LUZP2: variants seen among roughly 807,000 people sequenced by gnomAD.
The protein encoded by LUZP2 is leucine zipper protein 2.
LUZP2 carries 52 observed loss-of-function variants against 51.6 expected under a neutral mutation model. That is an observed-to-expected ratio of 1.01 (90% confidence interval 0.81 to 1.27). LUZP2 has a LOEUF of 1.27. LUZP2 is among the 50% of genes most tolerant of loss of function. LUZP2 has a pLI of 0.00. For missense variants in LUZP2, 436 were observed against 395.4 expected (o/e 1.10, Z -0.87); for synonymous variants, 154 against 137.3 (o/e 1.12, Z -0.85).
At chr11:24,567,664 C>A (rs1379878640) in intron 1 of LUZP2, among the ~76,000 whole-genome samples, 1 of 151,704 alleles carries the variant, frequency 6.6e-6, no homozygotes, top group African/African-American at 2.4e-5. Context: ...GGCCAGGAAG[C>A]AGTATGAAAA....
intron 1 of LUZP2, among the ~76,000 whole-genome samples, chr11:24,567,587 G>T (rs2133791363): frequency 6.6e-6 from 1 of 152,022 alleles, no homozygotes; most frequent in East Asian, 1.9e-4. Context: ...AGAGAAAAAT[G>T]ACTCATCATG....
At chr11:24,815,551 A>T (rs1186349847) in intron 5 of LUZP2, among the ~76,000 whole-genome samples, 1 of 152,186 alleles carries the variant, frequency 6.6e-6, no homozygotes, top group Non-Finnish European at 1.5e-5. Context: ...TCATATAAGT[A>T]AGAGTTGAAA....
At chr11:24,898,494 G>C (rs1288928727) in intron 5 of LUZP2, among the ~76,000 whole-genome samples, 1 of 152,126 alleles carries the variant, frequency 6.6e-6, no homozygotes, top group Non-Finnish European at 1.5e-5. Flanking sequence ...CGTGGTGGTG[G>C]GCGCCTGTAG....
At chr11:24,506,486 G>A (rs1297413170) in intron 1 of LUZP2, among the ~76,000 whole-genome samples, 1 of 152,030 alleles carries the variant, frequency 6.6e-6, no homozygotes, top group Non-Finnish European at 1.5e-5. Flanking sequence ...AAAAATGTTA[G>A]CTCCTTCTGC....
intron 8 of LUZP2, among the ~76,000 whole-genome samples, chr11:24,982,883 A>T (rs1856076874): frequency 6.6e-6 from 1 of 151,886 alleles, no homozygotes; most frequent in Non-Finnish European, 1.5e-5. Flanking sequence ...TTCAAGAGAA[A>T]GTAATAAGAC....
rs375604986 is a variant in LUZP2, at chr11:24,914,357, G to A, written c.460-119G>A. On this transcript the variant is annotated intron_variant, in intron 6 of 11. Coordinates refer to ENST00000336930, the MANE Select transcript of LUZP2 (RefSeq NM_001009909.4). ...AGGGTTTCTGCTTTACTTCTAAACT[G>A]GTTGGACTGTGCTTTGCTTGGCTGC... The A allele has an allele frequency of 6.5e-4, 473 of 729,146 alleles. 4 individuals are homozygous for A. The South Asian group carries it at 7.5e-3, about 11-fold the overall frequency. The allele number at this position is 729,146 out of a possible 1,614,324, so 45.2% of individuals were successfully genotyped here. A position where few individuals can be genotyped will look rare whatever the true frequency, so the allele number is the denominator to read the frequency against.
chr11:24,768,080 T>C (rs1214483091), intron 5 of LUZP2, among the ~76,000 whole-genome samples: 1 of 152,174 alleles, frequency 6.6e-6, no homozygotes, highest in Non-Finnish European at 1.5e-5. Flanking sequence ...TATATAAGTC[T>C]AGGAAATATT....
intron 5 of LUZP2, among the ~76,000 whole-genome samples, chr11:24,884,337 T>G (rs1435430380): frequency 2.0e-5 from 3 of 151,948 alleles, no homozygotes; most frequent in Non-Finnish European, 4.4e-5. Flanking sequence ...ATTAAGAAAT[T>G]TACCTTATGG....
At chr11:25,016,244 C>T (rs1331846370) in intron 9 of LUZP2, among the ~76,000 whole-genome samples, 2 of 151,900 alleles carry the variant, frequency 1.3e-5, no homozygotes, top group Non-Finnish European at 2.9e-5. Flanking sequence ...TTTAATGCAC[C>T]TGCCATCCAA....
At chr11:24,716,445 CAGTT>C (rs772501042) in intron 1 of LUZP2, among the ~76,000 whole-genome samples, 22 of 152,044 alleles carry the variant, frequency 1.4e-4, no homozygotes, top group African/African-American at 4.8e-5. Context: ...TTAAAATAAA[CAGTT>C]AGAAATATAA....
intron 9 of LUZP2, among the ~76,000 whole-genome samples, chr11:25,019,211 G>T (rs545236611): frequency 1.2e-4 from 18 of 151,886 alleles, no homozygotes; most frequent in Non-Finnish European, 2.5e-4. Context: ...ATTTATCTTC[G>T]TTATACATGA....
intron 1 of LUZP2, among the ~76,000 whole-genome samples, chr11:24,594,924 T>C (rs935415075): frequency 1.2e-4 from 18 of 151,740 alleles, no homozygotes; most frequent in Non-Finnish European, 2.4e-4. Context: ...CATGCCCGGC[T>C]AATTTTTTTG....
intron 6 of LUZP2, among the ~76,000 whole-genome samples, chr11:24,907,677 A>G (rs973365576): frequency 5.3e-5 from 8 of 152,214 alleles, no homozygotes; most frequent in Non-Finnish European, 8.8e-5. Flanking sequence ...TATGATTTAT[A>G]TGTGTTCAGG....
intron 1 of LUZP2, among the ~76,000 whole-genome samples, chr11:24,591,404 T>C (rs1853256800): frequency 6.6e-6 from 1 of 152,168 alleles, no homozygotes; most frequent in Non-Finnish European, 1.5e-5. Context: ...GTATTCATAG[T>C]TTTAGATAAC....
At chr11:24,987,159 C>T (rs1280478255) in intron 9 of LUZP2, among the ~76,000 whole-genome samples, 2 of 151,772 alleles carry the variant, frequency 1.3e-5, no homozygotes, top group Admixed American at 6.6e-5. Flanking sequence ...TCAATAAATA[C>T]GTGAAACAAG....
At chr11:24,798,202 C>CT (rs754426335) in intron 5 of LUZP2, among the ~76,000 whole-genome samples, 1,350 of 82,434 alleles carry the variant, frequency 0.016, 24 homozygotes, top group African/African-American at 0.043. Flanking sequence ...TCTTATATTT[C>CT]TTTTTTTTTA....
intron 9 of LUZP2, among the ~76,000 whole-genome samples, chr11:24,996,910 T>A (rs919219427): frequency 2.4e-4 from 36 of 151,706 alleles, no homozygotes; most frequent in Middle Eastern, 3.4e-3. Context: ...AGAATGATGA[T>A]TTCCAATTTC....
At chr11:24,761,947 G>C (rs1157644153) in intron 4 of LUZP2, among the ~76,000 whole-genome samples, 1 of 151,282 alleles carries the variant, frequency 6.6e-6, no homozygotes, top group Non-Finnish European at 1.5e-5. Context: ...GGGGGGGTGG[G>C]GGTGAAGAAA....
chr11:24,589,754 T>G (rs1003083728), intron 1 of LUZP2, among the ~76,000 whole-genome samples: 1 of 152,160 alleles, frequency 6.6e-6, no homozygotes, highest in Non-Finnish European at 1.5e-5. Context: ...AGAAATTCTC[T>G]CTTCTGATTC....
Sources: gnomAD v4.1 joint callset for allele counts (sites outside exome capture counted in the v4.1 genomes callset) on GRCh38, gnomAD v4.1.1 for gene constraint, MANE v1.5 for transcripts, NCBI Gene and HGNC (gene_info 2026-07-23, HGNC 2026-07-21) for gene names.